The following SGCZ variants were observed in gnomAD, a reference collection of about 807,000 sequenced individuals.
SGCZ encodes the protein zeta-sarcoglycan.
SGCZ carries 40 observed loss-of-function variants against 41.3 expected under a neutral mutation model. The observed-to-expected ratio is 0.97, with a 90% CI of 0.75 to 1.26. SGCZ has a LOEUF of 1.26. SGCZ is among the 50% of genes most tolerant of loss of function. SGCZ has a pLI of 0.00. For missense variants in SGCZ, 552 were observed against 369.8 expected, an observed-to-expected ratio of 1.49 and a Z score of -4.04; for synonymous variants, 206 against 137.5, an observed-to-expected ratio of 1.50 and a Z score of -3.49.
intron 5 of SGCZ, among the ~76,000 whole-genome samples, chr8:14,149,309 G>T (rs1256200039): frequency 6.6e-6 from 1 of 151,946 alleles, no homozygotes; most frequent in East Asian, 1.9e-4. Context: ...AAAATGATTA[G>T]AACTGATAAA....
chr8:14,580,177 C>T (rs892918372), intron 1 of SGCZ, among the ~76,000 whole-genome samples: 1 of 152,126 alleles, frequency 6.6e-6, no homozygotes, highest in African/African-American at 2.4e-5. Context: ...AAGGCAAATG[C>T]AGCCTAAGAG....
At chr8:15,015,699 A>AAG (rs1554540687) in intron 1 of SGCZ, among the ~76,000 whole-genome samples, 7 of 145,148 alleles carry the variant, frequency 4.8e-5, no homozygotes, top group African/African-American at 1.5e-4. Flanking sequence ...AAAAAAAAAA[A>AAG]AAAAGAAAAG....
intron 2 of SGCZ, among the ~76,000 whole-genome samples, chr8:14,379,786 C>T (rs1804290820): frequency 6.6e-6 from 1 of 152,032 alleles, no homozygotes; most frequent in Non-Finnish European, 1.5e-5. Flanking sequence ...GGCTGGAGTA[C>T]AGTGGCTCGA....
intron 1 of SGCZ, among the ~76,000 whole-genome samples, chr8:15,067,407 G>A (rs369455451): frequency 1.8e-4 from 27 of 152,258 alleles, no homozygotes; most frequent in Admixed American, 1.2e-3. Context: ...TTTCAGGTAC[G>A]TAAATCTTAT....
chr8:14,678,340 A>G (rs1808339144), intron 1 of SGCZ, among the ~76,000 whole-genome samples: 1 of 152,204 alleles, frequency 6.6e-6, no homozygotes, highest in Non-Finnish European at 1.5e-5. Context: ...CTCTTAAAAT[A>G]AGAAATCAAA....
intron 1 of SGCZ, among the ~76,000 whole-genome samples, chr8:15,077,689 T>C (rs1160043375): frequency 1.3e-5 from 2 of 152,208 alleles, no homozygotes; most frequent in Non-Finnish European, 2.9e-5. Flanking sequence ...TTACTCCCTC[T>C]GCTGGGAAAA....
At chr8:14,787,529 CTG>C (rs1800806196) in intron 1 of SGCZ, among the ~76,000 whole-genome samples, 1 of 152,012 alleles carries the variant, frequency 6.6e-6, no homozygotes. Context: ...ACAGTAGTAA[CTG>C]AGTTTTATCC....
At chr8:14,143,111 G>A (rs535085518) in intron 5 of SGCZ, among the ~76,000 whole-genome samples, 7 of 151,486 alleles carry the variant, frequency 4.6e-5, no homozygotes, top group Non-Finnish European at 7.4e-5. Flanking sequence ...TTAATATAAC[G>A]CCAATTCAAA....
chr8:14,584,126 A>C (rs986552205), intron 1 of SGCZ, among the ~76,000 whole-genome samples: 5 of 152,250 alleles, frequency 3.3e-5, no homozygotes, highest in African/African-American at 1.2e-4. Flanking sequence ...GCATGAAATC[A>C]CTGCTACAAA....
intron 1 of SGCZ, among the ~76,000 whole-genome samples, chr8:15,117,618 C>G (rs573271751): frequency 5.3e-5 from 8 of 152,224 alleles, no homozygotes; most frequent in South Asian, 2.1e-4. Context: ...TCTACCTCCT[C>G]TCATGGTGGT....
At chr8:14,332,863 C>T (rs1039152044) in intron 2 of SGCZ, among the ~76,000 whole-genome samples, 2 of 150,252 alleles carry the variant, frequency 1.3e-5, no homozygotes, top group African/African-American at 4.9e-5. Flanking sequence ...ATATAATGTT[C>T]TCCTATATAG....
At chr8:15,023,009 T>C (rs1803315232) in intron 1 of SGCZ, among the ~76,000 whole-genome samples, 1 of 152,122 alleles carries the variant, frequency 6.6e-6, no homozygotes, top group South Asian at 2.1e-4. Context: ...TAAACTACTG[T>C]GGGCATTTTC....
intron 2 of SGCZ, among the ~76,000 whole-genome samples, chr8:14,337,738 G>C (rs1047165496): frequency 6.6e-6 from 1 of 152,116 alleles, no homozygotes; most frequent in Admixed American, 6.6e-5. Flanking sequence ...TAAAAATTCT[G>C]GGTGAGAATG....
intron 3 of SGCZ, among the ~76,000 whole-genome samples, chr8:14,268,509 T>C (rs888531069): frequency 6.6e-6 from 1 of 151,848 alleles, no homozygotes; most frequent in African/African-American, 2.4e-5. Context: ...TAATTACTCA[T>C]TGACAAGTCA....
chr8:14,653,664 G>C (rs1807472151), intron 1 of SGCZ, among the ~76,000 whole-genome samples: 1 of 152,012 alleles, frequency 6.6e-6, no homozygotes, highest in African/African-American at 2.4e-5. Context: ...ATTCTTAGCA[G>C]CTTCGCTTTC....
chr8:14,347,114 T>C (rs573590719), intron 2 of SGCZ, among the ~76,000 whole-genome samples: 10 of 152,248 alleles, frequency 6.6e-5, no homozygotes, highest in Non-Finnish European at 1.3e-4. Flanking sequence ...ATTAACATTC[T>C]AGCTGAGAGA....
At chr8:14,953,304 G>A (rs1336210212) in intron 1 of SGCZ, among the ~76,000 whole-genome samples, 1 of 152,110 alleles carries the variant, frequency 6.6e-6, no homozygotes, top group African/African-American at 2.4e-5. Flanking sequence ...CAAGGGGGAA[G>A]CGCTACGTAC....
At chr8:14,925,820 G>A (rs1799729484) in intron 1 of SGCZ, among the ~76,000 whole-genome samples, 1 of 151,832 alleles carries the variant, frequency 6.6e-6, no homozygotes. Flanking sequence ...AAGCACCAGA[G>A]AAGGAAACTA....
chr8:15,050,256 G>T (rs544973584), intron 1 of SGCZ, among the ~76,000 whole-genome samples: 3 of 152,274 alleles, frequency 2.0e-5, no homozygotes, highest in Non-Finnish European at 4.4e-5. Context: ...TTGAACATAT[G>T]AAAGTTGAGA....
Sources: allele counts gnomAD v4.1 joint callset (sites outside exome capture counted in the v4.1 genomes callset), GRCh38; gene constraint gnomAD v4.1.1; transcripts MANE v1.5; gene names NCBI Gene and HGNC (gene_info 2026-07-23, HGNC 2026-07-21).